Variants in SND1 observed in about 807,000 individuals in gnomAD.
The protein encoded by SND1 is staphylococcal nuclease and tudor domain containing 1.
SND1 carries 38 observed loss-of-function variants against 121.7 expected under a neutral mutation model. The ratio of observed to expected loss-of-function variants is 0.31; its 90% CI spans 0.24 to 0.41. The LOEUF (loss-of-function observed/expected upper bound fraction) is 0.41, where lower values mean the gene tolerates loss of function less well. Among genes scored for constraint, SND1 ranks in the 10% least tolerant of loss-of-function variants. The pLI is 1.00. For synonymous variants in SND1, 401 were observed against 447.4 expected (o/e 0.90, Z 1.31); for missense variants, 868 against 1,184.6 (o/e 0.73, Z 3.92).
chr7:128,041,763 A>G (rs1163826029), intron 16 of SND1, among the ~76,000 whole-genome samples: 2 of 152,106 alleles, frequency 1.3e-5, no homozygotes, highest in African/African-American at 4.8e-5. Context: ...TTGTTTGCTT[A>G]TTTCTTTTTA....
At chr7:127,937,458 T>TCCTCTC (rs1801085483) in intron 15 of SND1, among the ~76,000 whole-genome samples, 1 of 151,522 alleles carries the variant, frequency 6.6e-6, no homozygotes, top group Non-Finnish European at 1.5e-5. Context: ...TTCTCCCTTC[T>TCCTCTC]CCTCTCCCTC....
chr7:127,660,890 C>T (rs1483996108), intron 1 of SND1, among the ~76,000 whole-genome samples: 2 of 152,020 alleles, frequency 1.3e-5, no homozygotes, highest in Admixed American at 1.3e-4. Context: ...AGACGTTTCC[C>T]AGGCATTGAA....
In SND1 at chr7:127,888,323, C is replaced by T. The variant is rs2286909; in HGVS notation, c.1454+311C>T. On this transcript the variant is annotated intron_variant, in intron 13 of 23. Transcript: ENST00000354725. ...ATAGGAGATATGTTTATCATCATTCCGGGACTAACTGTGAAGCCGTGCTTA... is the reference window on the plus strand; with the variant it reads ...ATAGGAGATATGTTTATCATCATTCTGGGACTAACTGTGAAGCCGTGCTTA... Among the ~76,000 whole-genome samples, 149 of 152,078 alleles carry T rather than the reference C, an allele frequency of 9.8e-4. 1 individual carries two copies. The highest frequency in any genetic ancestry group is 3.3e-3 in the African/African-American group (138 of 41,496).
intron 10 of SND1, among the ~76,000 whole-genome samples, chr7:127,766,257 A>G (rs1486955781): frequency 1.3e-5 from 2 of 152,230 alleles, no homozygotes; most frequent in African/African-American, 2.4e-5. Flanking sequence ...CTCCCAGCCT[A>G]CAGAACTGTG....
intron 1 of SND1, among the ~76,000 whole-genome samples, chr7:127,676,016 A>G (rs1431732588): frequency 3.3e-5 from 5 of 152,192 alleles, no homozygotes; most frequent in African/African-American, 4.8e-5. Context: ...CCTTCATGGT[A>G]AAGTTTTCGA....
chr7:127,928,745 T>G (rs1488906164), intron 14 of SND1, among the ~76,000 whole-genome samples: 1 of 152,068 alleles, frequency 6.6e-6, no homozygotes, highest in Non-Finnish European at 1.5e-5. Flanking sequence ...TGTGCCACCA[T>G]GCCCGGCTAA....
intron 1 of SND1, among the ~76,000 whole-genome samples, chr7:127,672,654 T>A (rs1024602688): frequency 2.6e-5 from 4 of 151,822 alleles, no homozygotes. Context: ...ATGGATACAA[T>A]ACTGCCATCC....
At chr7:127,826,258 A>G (rs1365759549) in intron 11 of SND1, among the ~76,000 whole-genome samples, 1 of 152,178 alleles carries the variant, frequency 6.6e-6, no homozygotes, top group Non-Finnish European at 1.5e-5. Flanking sequence ...ACTTTTATGT[A>G]TTGATTTTAA....
intron 1 of SND1, among the ~76,000 whole-genome samples, chr7:127,668,981 C>T (rs999098697): frequency 1.3e-5 from 2 of 152,160 alleles, no homozygotes; most frequent in Non-Finnish European, 2.9e-5. Flanking sequence ...CAGTCAGATT[C>T]CCTCAGCAGT....
At chr7:127,653,005 G>T (rs1434632355) in intron 1 of SND1, among the ~76,000 whole-genome samples, 1 of 152,146 alleles carries the variant, frequency 6.6e-6, no homozygotes, top group Non-Finnish European at 1.5e-5. Context: ...ACTTCTAAAA[G>T]GTTAGGCCGG....
Position 127,929,188 on chromosome 7 carries a change from G to C in SND1, c.1528G>C (p.Asp510His). 1 of 1,613,802 alleles carries C rather than the reference G, an allele frequency of 6.2e-7. No individual in the cohort carries two copies. The highest frequency in any genetic ancestry group is 8.5e-7 in the Non-Finnish European group (1 of 1,179,806). Residue 510 changes from aspartate to histidine, a missense_variant and splice_region_variant, in exon 15 of 24, where the codon GAT becomes CAT. Asp to His is a moderately conservative substitution (Grantham distance 81). Transcript: ENST00000354725. ...ACTCTTTTCCTCTTTTCTCCATCAG[G>C]ATACCCAAAAAGCAAAGCAGTTCCT... ...PIHRVADISG[D>H]TQKAKQFLPF...
At chr7:127,972,477 C>A (rs1053560809) in intron 15 of SND1, among the ~76,000 whole-genome samples, 1 of 152,182 alleles carries the variant, frequency 6.6e-6, no homozygotes, top group Non-Finnish European at 1.5e-5. Flanking sequence ...AGGCTGGTCT[C>A]AAGCTCCTGG....
intron 16 of SND1, chr7:127,998,724 A>T (rs1802739753): frequency 6.6e-6 from 1 of 152,232 alleles, no homozygotes; most frequent in African/African-American, 2.4e-5. Context: ...AAGTGGCATC[A>T]CAAGGAGAAA....
chr7:127,998,713 A>G (rs1246994862), intron 16 of SND1: 1 of 152,244 alleles, frequency 6.6e-6, no homozygotes, highest in African/African-American at 2.4e-5. Flanking sequence ...CCCCTAAATG[A>G]AAGTGGCATC....
At chr7:127,797,500 G>A (rs1347075839) in intron 10 of SND1, among the ~76,000 whole-genome samples, 3 of 152,224 alleles carry the variant, frequency 2.0e-5, no homozygotes, top group East Asian at 1.9e-4. Flanking sequence ...AGGAAAAGTA[G>A]CATAGACTTC....
At chr7:127,890,654 A>G (rs181651403) in intron 13 of SND1, among the ~76,000 whole-genome samples, 2 of 152,302 alleles carry the variant, frequency 1.3e-5, no homozygotes, top group Admixed American at 6.5e-5. Flanking sequence ...TGCTCTGGAA[A>G]GTGAGGCCAG....
intron 13 of SND1, among the ~76,000 whole-genome samples, chr7:127,892,292 C>T (rs17732242): frequency 0.084 from 12,822 of 152,122 alleles, 701 homozygotes; most frequent in Non-Finnish European, 0.12. Flanking sequence ...ATTTCATGGG[C>T]GCTCAGGGAG....
At chr7:127,852,340 GAAAATTAGC>G (rs1408736340) in intron 12 of SND1, among the ~76,000 whole-genome samples, 1 of 149,494 alleles carries the variant, frequency 6.7e-6, no homozygotes, top group Non-Finnish European at 1.5e-5. Context: ...CTAAAAATAG[GAAAATTAGC>G]AGGGTGTGGG....
chr7:127,997,570 A>G (rs1481350829), intron 16 of SND1: 1 of 415,904 alleles, frequency 2.4e-6, no homozygotes, highest in African/African-American at 2.1e-5. Context: ...TCCTATATCT[A>G]ATGTTTCTTA....
Sources: gnomAD v4.1 joint callset for allele counts (sites outside exome capture counted in the v4.1 genomes callset) on GRCh38, gnomAD v4.1.1 for gene constraint, MANE v1.5 for transcripts, NCBI Gene and HGNC (gene_info 2026-07-23, HGNC 2026-07-21) for gene names.